The following RHBDD1 variants were observed in gnomAD, a reference collection of about 807,000 sequenced individuals.
RHBDD1 encodes rhomboid-related protein 4.
Under a neutral mutation model 36.3 loss-of-function variants are expected in RHBDD1, and 38 were observed. The ratio of observed to expected loss-of-function variants is 1.05; its 90% confidence interval spans 0.81 to 1.37. The LOEUF is 1.37. Ranked by LOEUF, RHBDD1 falls within the 40% of genes most tolerant of loss-of-function variation. The pLI is 0.00. For missense variants in RHBDD1, 393 were observed against 377.6 expected, an observed-to-expected ratio of 1.04 and a Z score of -0.34; for synonymous variants, 151 against 136.5, an observed-to-expected ratio of 1.11 and a Z score of -0.74.
At chr2:226,974,328 C>G (rs998072516) in intron 8 of RHBDD1, among the ~76,000 whole-genome samples, 3 of 151,078 alleles carry the variant, frequency 2.0e-5, no homozygotes, top group East Asian at 2.0e-4. Flanking sequence ...AGCTCCACCC[C>G]CTGGGTTCAC....
chr2:226,944,443 G>A (rs902106790), intron 8 of RHBDD1, among the ~76,000 whole-genome samples: 3 of 152,112 alleles, frequency 2.0e-5, no homozygotes, highest in South Asian at 2.1e-4. Context: ...CAATTAGGAC[G>A]TTCTGTCCTG....
At chr2:226,961,562 T>C in intron 8 of RHBDD1, among the ~76,000 whole-genome samples, 1 of 152,180 alleles carries the variant, frequency 6.6e-6, no homozygotes, top group Non-Finnish European at 1.5e-5. Context: ...CATTTACTTT[T>C]CACAAGAACT....
intron 8 of RHBDD1, among the ~76,000 whole-genome samples, chr2:226,956,646 A>G (rs532848622): frequency 6.6e-4 from 100 of 152,318 alleles, no homozygotes; most frequent in African/African-American, 2.2e-3. Flanking sequence ...GAATCTTCTA[A>G]TTATTAGGTT....
chr2:226,948,845 A>G (rs1951213636), intron 8 of RHBDD1, among the ~76,000 whole-genome samples: 2 of 152,178 alleles, frequency 1.3e-5, no homozygotes, highest in Non-Finnish European at 2.9e-5. Context: ...GAGGAAGTCA[A>G]ATTGTCTCTG....
chr2:226,899,405 T>C (rs535363600), intron 5 of RHBDD1, among the ~76,000 whole-genome samples: 1 of 152,320 alleles, frequency 6.6e-6, no homozygotes, highest in African/African-American at 2.4e-5. Context: ...TTTTTTTCTG[T>C]AAACATATAT....
chr2:226,854,115 T>G (rs757286130), intron 3 of RHBDD1, among the ~76,000 whole-genome samples: 3 of 152,222 alleles, frequency 2.0e-5, no homozygotes, highest in Non-Finnish European at 2.9e-5. Context: ...ATGAATAGCT[T>G]GAAGTTGATC....
At chr2:226,846,422 C>T (rs1942219303) in intron 3 of RHBDD1, among the ~76,000 whole-genome samples, 1 of 152,052 alleles carries the variant, frequency 6.6e-6, no homozygotes, top group Non-Finnish European at 1.5e-5. Context: ...GTAATGAAAA[C>T]TTCCAGCTTT....
chr2:226,954,958 C>A (rs1327677803), intron 8 of RHBDD1, among the ~76,000 whole-genome samples: 1 of 151,920 alleles, frequency 6.6e-6, no homozygotes, highest in Non-Finnish European at 1.5e-5. Flanking sequence ...GGGGAGCGTT[C>A]ACCCAGAGGG....
chr2:226,911,644 T>TGG, intron 7 of RHBDD1, among the ~76,000 whole-genome samples: 1 of 150,148 alleles, frequency 6.7e-6, no homozygotes, highest in East Asian at 2.0e-4. Flanking sequence ...GCTGGTTGGG[T>TGG]GTTCCCCAGT....
the RHBDD1 span, among the ~76,000 whole-genome samples, chr2:226,816,532 T>A: frequency 1.3e-5 from 2 of 152,140 alleles, no homozygotes; most frequent in Admixed American, 1.3e-4. Flanking sequence ...AGTTAAGAAA[T>A]GAATAATCTC....
chr2:226,904,276 T>C (rs1310168059), intron 5 of RHBDD1, among the ~76,000 whole-genome samples: 1 of 152,166 alleles, frequency 6.6e-6, no homozygotes, highest in Non-Finnish European at 1.5e-5. Context: ...CCCCTGGACG[T>C]TGCCGTGAGG....
At chr2:226,820,154 T>C in the RHBDD1 span, among the ~76,000 whole-genome samples, 1 of 152,130 alleles carries the variant, frequency 6.6e-6, no homozygotes. Flanking sequence ...TAATCCGACC[T>C]CATAGACTCA....
intron 3 of RHBDD1, among the ~76,000 whole-genome samples, chr2:226,845,381 A>G (rs1254959554): frequency 6.6e-6 from 1 of 152,238 alleles, no homozygotes; most frequent in Admixed American, 6.5e-5. Context: ...AAATGAGCCT[A>G]TGTTATCTTT....
chr2:226,982,771 TC>T (rs1956063927), intron 8 of RHBDD1, among the ~76,000 whole-genome samples: 1 of 152,232 alleles, frequency 6.6e-6, no homozygotes, highest in Non-Finnish European at 1.5e-5. Context: ...CATTCATTCC[TC>T]AAGCATTTAT....
chr2:226,891,683 A>G (rs1335033171), intron 5 of RHBDD1, among the ~76,000 whole-genome samples: 3 of 152,222 alleles, frequency 2.0e-5, no homozygotes, highest in Non-Finnish European at 4.4e-5. Flanking sequence ...TGGCATTTGT[A>G]TAAGTATCTG....
At chr2:226,861,989 C>T (rs533895724) in intron 3 of RHBDD1, among the ~76,000 whole-genome samples, 2 of 152,040 alleles carry the variant, frequency 1.3e-5, no homozygotes, top group African/African-American at 4.8e-5. Flanking sequence ...TGTGCATGCA[C>T]GTGTATGTAT....
chr2:226,862,622 GTC>G (rs1382499873), intron 3 of RHBDD1, among the ~76,000 whole-genome samples: 1 of 152,186 alleles, frequency 6.6e-6, no homozygotes, highest in Non-Finnish European at 1.5e-5. Context: ...TTTAGTCTGT[GTC>G]TCTGCCTGCA....
chr2:226,905,285 C>A (rs1559253957), intron 5 of RHBDD1, among the ~76,000 whole-genome samples: 1 of 152,048 alleles, frequency 6.6e-6, no homozygotes, highest in Non-Finnish European at 1.5e-5. Context: ...ACTGTGCCAC[C>A]AGCAGACTGG....
At chr2:226,805,006 A>G in the RHBDD1 span, 2 of 152,458 alleles carry the variant, frequency 1.3e-5, no homozygotes, top group African/African-American at 2.4e-5. Context: ...TGGGTGACAG[A>G]GTGAGACTTT....
Sources: allele counts gnomAD v4.1 joint callset (sites outside exome capture counted in the v4.1 genomes callset), GRCh38; gene constraint gnomAD v4.1.1; transcripts MANE v1.5; gene names NCBI Gene and HGNC (gene_info 2026-07-23, HGNC 2026-07-21).